The following VPS13B variants were observed in gnomAD, a reference collection of about 807,000 sequenced individuals.
VPS13B encodes the protein intermembrane lipid transfer protein VPS13B.
In VPS13B, 285 loss-of-function variants were observed where a neutral mutation model predicts 426.4. That is an observed-to-expected ratio of 0.67 (90% CI 0.61 to 0.74). The LOEUF is 0.74. Ranked by LOEUF, VPS13B falls within the 30% of genes least tolerant of loss-of-function variation. VPS13B has a pLI of 0.00. For synonymous variants in VPS13B, 1,676 were observed against 1,676.4 expected (o/e 1.00, Z 0.01); for missense variants, 4,537 against 4,782.6 (o/e 0.95, Z 1.51).
intron 19 of VPS13B, among the ~76,000 whole-genome samples, chr8:99,279,310 A>G (rs145912207): frequency 3.3e-5 from 5 of 152,294 alleles, no homozygotes; most frequent in African/African-American, 1.2e-4. Context: ...TATTTTTTAG[A>G]CAGAACGTTG....
intron 58 of VPS13B, among the ~76,000 whole-genome samples, chr8:99,867,650 C>T (rs1045789142): frequency 2.0e-5 from 3 of 151,822 alleles, no homozygotes; most frequent in Admixed American, 6.6e-5. Flanking sequence ...CCTCAGTGTC[C>T]GTATTTGGAT....
At chr8:99,739,987 G>T (rs530328190) in intron 39 of VPS13B, among the ~76,000 whole-genome samples, 1 of 152,178 alleles carries the variant, frequency 6.6e-6, no homozygotes, top group Non-Finnish European at 1.5e-5. Context: ...AGTTTGACGA[G>T]TTGAGAGAAG....
At chr8:99,377,909 G>C (rs1212887551) in intron 19 of VPS13B, among the ~76,000 whole-genome samples, 3 of 152,148 alleles carry the variant, frequency 2.0e-5, no homozygotes, top group Admixed American at 6.5e-5. Flanking sequence ...ACAAGGTCAG[G>C]GTGAAACTAG....
intron 37 of VPS13B, 52 bp from the exon 38 acceptor site, chr8:99,720,293 T>G: frequency 1.4e-6 from 2 of 1,432,592 alleles, no homozygotes; most frequent in Non-Finnish European, 2.0e-6. Context: ...CTAATTAGTC[T>G]CAAGAAATGT....
chr8:99,776,867 C>A lies in VPS13B; in HGVS notation c.7340C>A (p.Thr2447Asn), dbSNP rs778660415. ...TGTACCAGAGTTGACTCCTGCTTTA[C>A]CCCATGGTTTGTCCCATCCCTTTGC... ...AACTRVDSCF[T>N]PWFVPSLCVS... The change falls in exon 41 of 62, where the codon ACC (threonine) becomes AAC (asparagine). Residue 2447 changes from threonine to asparagine, a missense_variant. Physicochemically the swap from Thr to Asn is moderately conservative, Grantham distance 65 (BLOSUM62 0). Transcript: ENST00000357162. 3 of 1,614,086 alleles carry A rather than the reference C, an allele frequency of 1.9e-6. No homozygotes were observed. Among genetic ancestry groups the A allele is most frequent in the Non-Finnish European group, 2.5e-6 (3 of 1,179,976 alleles).
intron 17 of VPS13B, among the ~76,000 whole-genome samples, chr8:99,206,089 C>T (rs899826415): frequency 2.0e-5 from 3 of 152,044 alleles, no homozygotes; most frequent in Non-Finnish European, 4.4e-5. Context: ...GAAATTCTAA[C>T]CCTGTCTTTT....
intron 30 of VPS13B, among the ~76,000 whole-genome samples, chr8:99,530,994 T>G (rs953409186): frequency 5.3e-5 from 8 of 152,236 alleles, no homozygotes; most frequent in African/African-American, 9.6e-5. Context: ...GTTTGAAACT[T>G]ATTTTTGAAG....
rs552168497 is a variant in VPS13B, at chr8:99,320,602, A to G, written c.2824+45348A>G. ...TGCAACTTATTACTTTGAAAATGTTAGAAGGGACCCCTAGTTTTCCTTTGT... is the reference window on the plus strand; with the variant it reads ...TGCAACTTATTACTTTGAAAATGTTGGAAGGGACCCCTAGTTTTCCTTTGT... On this transcript the variant is annotated intron_variant, in intron 19 of 61. Transcript: ENST00000357162. Among the ~76,000 whole-genome samples, 32 of 152,334 alleles carry G rather than the reference A, an allele frequency of 2.1e-4. 1 individual carries two copies. Among genetic ancestry groups the G allele is most frequent in the Middle Eastern group, 6.8e-3 (2 of 294 alleles).
chr8:99,551,665 AAT>A (rs1824290800), intron 30 of VPS13B, among the ~76,000 whole-genome samples: 1 of 151,944 alleles, frequency 6.6e-6, no homozygotes, highest in Admixed American at 6.6e-5. Context: ...GTCTGAAGTT[AAT>A]ATCTTTTTCT....
chr8:99,578,270 A>G (rs904176195), intron 33 of VPS13B, among the ~76,000 whole-genome samples: 4 of 152,170 alleles, frequency 2.6e-5, no homozygotes, highest in Non-Finnish European at 5.9e-5. Context: ...AATATTTTAT[A>G]AAAACTCAGG....
At chr8:99,019,671 C>G (rs903101831) in intron 2 of VPS13B, among the ~76,000 whole-genome samples, 4 of 152,330 alleles carry the variant, frequency 2.6e-5, no homozygotes, top group African/African-American at 9.6e-5. Flanking sequence ...TTGGCAACCA[C>G]CATTCTACTT....
At chr8:99,570,089 G>A (rs1825398199) in intron 31 of VPS13B, among the ~76,000 whole-genome samples, 1 of 152,116 alleles carries the variant, frequency 6.6e-6, no homozygotes, top group Admixed American at 6.5e-5. Flanking sequence ...TTGGAATGCT[G>A]TAATCTGTTT....
intron 24 of VPS13B, among the ~76,000 whole-genome samples, chr8:99,478,533 C>T (rs1386995337): frequency 1.4e-5 from 2 of 146,394 alleles, no homozygotes; most frequent in African/African-American, 5.1e-5. Context: ...CTGCAGCCTC[C>T]GCCTCCTGGG....
intron 19 of VPS13B, among the ~76,000 whole-genome samples, chr8:99,329,120 A>G (rs1165214174): frequency 1.3e-5 from 2 of 152,080 alleles, no homozygotes; most frequent in African/African-American, 4.8e-5. Flanking sequence ...GATTCCTTCC[A>G]GTTGGGCTCT....
At chr8:99,287,377 T>C (rs536018663) in intron 19 of VPS13B, among the ~76,000 whole-genome samples, 1 of 152,212 alleles carries the variant, frequency 6.6e-6, no homozygotes, top group African/African-American at 2.4e-5. Flanking sequence ...TATGTAGCTA[T>C]CTACACACAT....
intron 51 of VPS13B, among the ~76,000 whole-genome samples, chr8:99,831,356 C>T (rs1815049930): frequency 6.6e-6 from 1 of 152,020 alleles, no homozygotes; most frequent in South Asian, 2.1e-4. Context: ...CAGACATGAG[C>T]CACTGGTACC....
intron 23 of VPS13B, among the ~76,000 whole-genome samples, chr8:99,444,316 T>C (rs3105197): frequency 0.3 from 45,266 of 151,896 alleles, 7,748 homozygotes; most frequent in East Asian, 0.44. Context: ...CCAGGCTGGT[T>C]TCAAACTCCT....
intron 21 of VPS13B, among the ~76,000 whole-genome samples, chr8:99,402,600 G>A (rs914368278): frequency 2.6e-5 from 4 of 152,062 alleles, no homozygotes; most frequent in African/African-American, 9.7e-5. Context: ...AACTAAGAAA[G>A]GTATTGGCTG....
chr8:99,633,838 T>TGC (rs1554881636), intron 33 of VPS13B, among the ~76,000 whole-genome samples: 4 of 151,252 alleles, frequency 2.6e-5, no homozygotes, highest in Admixed American at 6.6e-5. Context: ...TGTGTGTGTG[T>TGC]GCGTGTTTTA....
Sources: gnomAD v4.1 joint callset for allele counts (sites outside exome capture counted in the v4.1 genomes callset) on GRCh38, gnomAD v4.1.1 for gene constraint, MANE v1.5 for transcripts, NCBI Gene and HGNC (gene_info 2026-07-23, HGNC 2026-07-21) for gene names.